The following LRIG1 variants were observed in gnomAD, a reference collection of about 807,000 sequenced individuals.
The protein encoded by LRIG1 is leucine rich repeats and immunoglobulin like domains 1.
A neutral mutation model predicts 99.2 loss-of-function variants in LRIG1; 48 were observed. The observed-to-expected ratio is 0.48, with a 90% CI of 0.38 to 0.62. The LOEUF is 0.62. Among genes scored for constraint, LRIG1 ranks in the 20% least tolerant of loss-of-function variants. The pLI, the probability that LRIG1 is intolerant of heterozygous loss-of-function variation, is 0.00. For missense variants in LRIG1, 1,646 were observed against 1,434.4 expected (o/e 1.15, Z -2.38); for synonymous variants, 772 against 596.1 (o/e 1.29, Z -4.30).
chr3:66,496,616 T>A (rs1455725205), intron 1 of LRIG1, among the ~76,000 whole-genome samples: 1 of 152,192 alleles, frequency 6.6e-6, no homozygotes, highest in African/African-American at 2.4e-5. Flanking sequence ...ATGCTCCCTA[T>A]TCCAAACAAC....
rs1434314508 is a variant in LRIG1, at chr3:66,405,717, A to ACC, written c.1080-441_1080-440dup. On this transcript the variant is annotated intron_variant, in intron 8 of 18. Transcript: ENST00000273261. ...TGCAGAAAGCACATGGAAGAAAGAGACCCGGCACAGGGCCGGCCCGTGGGC... is the reference window on the plus strand; with the variant it reads ...TGCAGAAAGCACATGGAAGAAAGAGACCCCCGGCACAGGGCCGGCCCGTGGGC... 3.6e-6 allele frequency: 4 copies of ACC among 1,097,926 alleles called. No individual in the cohort carries two copies. In the South Asian group the frequency reaches 9.3e-5, roughly 26 times the overall value. The allele number at this position is 1,097,926 out of a possible 1,614,324, so 68.0% of individuals were successfully genotyped here.
intron 7 of LRIG1, among the ~76,000 whole-genome samples, chr3:66,409,153 G>C (rs928998176): frequency 6.6e-6 from 1 of 151,872 alleles, no homozygotes; most frequent in African/African-American, 2.4e-5. Flanking sequence ...CACTTCAGTG[G>C]GTGAATTTTT....
intron 12 of LRIG1, 68 bp downstream of exon 12, chr3:66,393,972 A>G: frequency 6.6e-7 from 1 of 1,522,428 alleles, no homozygotes; most frequent in Non-Finnish European, 9.0e-7. Context: ...TTACTCCCAT[A>G]ATGAAGAGTA....
At chr3:66,430,119 C>A (rs1703119700) in intron 3 of LRIG1, among the ~76,000 whole-genome samples, 2 of 152,028 alleles carry the variant, frequency 1.3e-5, no homozygotes, top group Admixed American at 1.3e-4. Flanking sequence ...CAATGTCTTA[C>A]ATTCACCACA....
At chr3:66,496,027 G>A (rs1308687422) in intron 1 of LRIG1, among the ~76,000 whole-genome samples, 1 of 152,222 alleles carries the variant, frequency 6.6e-6, no homozygotes, top group Non-Finnish European at 1.5e-5. Flanking sequence ...GAGCTGGGGA[G>A]ATGGGACATG....
intron 1 of LRIG1, among the ~76,000 whole-genome samples, chr3:66,478,415 A>G (rs1045755404): frequency 2.6e-5 from 4 of 152,228 alleles, no homozygotes; most frequent in African/African-American, 9.6e-5. Context: ...CTATCAAGAA[A>G]GAAAACCCAA....
intron 1 of LRIG1, among the ~76,000 whole-genome samples, chr3:66,487,743 G>A (rs1032643098): frequency 2.0e-5 from 3 of 152,176 alleles, no homozygotes; most frequent in African/African-American, 2.4e-5. Flanking sequence ...TGACACACGA[G>A]GCTCGAAGAA....
intron 3 of LRIG1, among the ~76,000 whole-genome samples, chr3:66,450,397 T>C (rs1229909441): frequency 6.6e-6 from 1 of 152,152 alleles, no homozygotes; most frequent in Non-Finnish European, 1.5e-5. Context: ...ATGTATAAAA[T>C]GGGTCAAAAA....
At chr3:66,426,641 A>G (rs905940689) in intron 3 of LRIG1, among the ~76,000 whole-genome samples, 13 of 152,258 alleles carry the variant, frequency 8.5e-5, no homozygotes, top group African/African-American at 2.2e-4. Context: ...GAAATGGAAC[A>G]TAAGTCTCTC....
At chr3:66,415,580 A>C (rs962912631) in intron 4 of LRIG1, among the ~76,000 whole-genome samples, 1 of 152,240 alleles carries the variant, frequency 6.6e-6, no homozygotes, top group Non-Finnish European at 1.5e-5. Flanking sequence ...CTGTAATTGT[A>C]AATGCCTCAA....
At chr3:66,459,113 T>TA (rs1700298715) in intron 2 of LRIG1, among the ~76,000 whole-genome samples, 1 of 152,212 alleles carries the variant, frequency 6.6e-6, no homozygotes, top group African/African-American at 2.4e-5. Flanking sequence ...CTGCTACAAT[T>TA]ACTGTGACTG....
At position 66,500,554 on chromosome 3, in the gene LRIG1, C is replaced by T. The variant is rs1559831859; in HGVS notation, c.-147G>A. Reference sequence around the variant, plus strand: ...CCGCCCCAAGTTCTCTCTGCGGCCGCGGCTCCGGCACTCAGCGTGCCCCCG... The same window carrying T: ...CCGCCCCAAGTTCTCTCTGCGGCCGTGGCTCCGGCACTCAGCGTGCCCCCG... On this transcript the variant is annotated 5_prime_UTR_variant, in exon 1 of 19. Transcript: ENST00000273261. 1 of 417,230 alleles carries T rather than the reference C, an allele frequency of 2.4e-6. No homozygotes were observed. Among genetic ancestry groups the T allele is most frequent in the Non-Finnish European group, 4.0e-6 (1 of 248,684 alleles). The allele number at this position is 417,230 out of a possible 1,614,324, so 25.8% of individuals were successfully genotyped here.
At chr3:66,404,102 G>A (rs528707450) in intron 9 of LRIG1, 16 of 444,940 alleles carry the variant, frequency 3.6e-5, no homozygotes, top group African/African-American at 6.1e-5. Flanking sequence ...AGTACAGGAC[G>A]CTCAAGAAGT....
At chr3:66,446,149 A>G (rs904287598) in intron 3 of LRIG1, among the ~76,000 whole-genome samples, 1 of 152,052 alleles carries the variant, frequency 6.6e-6, no homozygotes, top group Non-Finnish European at 1.5e-5. Context: ...GTACTCAGAG[A>G]GTTAAGTATT....
At chr3:66,462,218 A>G (rs1381658065) in intron 2 of LRIG1, among the ~76,000 whole-genome samples, 2 of 152,204 alleles carry the variant, frequency 1.3e-5, no homozygotes, top group African/African-American at 4.8e-5. Flanking sequence ...CAGGATTTCC[A>G]GGAGCTCTAT....
At chr3:66,383,427 G>C (rs769306756) in intron 14 of LRIG1, 26 bp from the exon 15 acceptor site, 1 of 1,517,174 alleles carries the variant, frequency 6.6e-7, no homozygotes, top group Non-Finnish European at 8.9e-7. Flanking sequence ...AGAGATCTTA[G>C]TCATTCTCAG....
At chr3:66,499,542 C>T (rs1016808767) in intron 1 of LRIG1, among the ~76,000 whole-genome samples, 1 of 152,178 alleles carries the variant, frequency 6.6e-6, no homozygotes, top group African/African-American at 2.4e-5. Context: ...TCACAGGTCG[C>T]CAGGAACTGT....
chr3:66,474,367 T>TG (rs1700670517), intron 1 of LRIG1, among the ~76,000 whole-genome samples: 1 of 150,194 alleles, frequency 6.7e-6, no homozygotes, highest in African/African-American at 2.5e-5. Flanking sequence ...TTTTTTGAAA[T>TG]GGAGTTTCAC....
In LRIG1 at chr3:66,420,866, C is replaced by G. The variant is rs6809837; in HGVS notation, c.366-3600G>C. On this transcript the variant is annotated intron_variant, in intron 3 of 18. Transcript: ENST00000273261. ...TGATAAAGACATACCTGAGACTGGGCAATTTATGAAAGAAAGAGGTTTAAT... is the reference window on the plus strand; with the variant it reads ...TGATAAAGACATACCTGAGACTGGGGAATTTATGAAAGAAAGAGGTTTAAT... Among the ~76,000 whole-genome samples, 971 of 152,204 alleles carry G rather than the reference C, an allele frequency of 6.4e-3. 12 individuals are homozygous for G. The highest frequency in any genetic ancestry group is 0.021 in the African/African-American group (892 of 41,506).
Sources: gnomAD v4.1 joint callset for allele counts (sites outside exome capture counted in the v4.1 genomes callset) on GRCh38, gnomAD v4.1.1 for gene constraint, MANE v1.5 for transcripts, NCBI Gene and HGNC (gene_info 2026-07-23, HGNC 2026-07-21) for gene names.